GALNTL6: variants seen among roughly 807,000 people sequenced by gnomAD.
GALNTL6 encodes the protein polypeptide N-acetylgalactosaminyltransferase like 6.
Under a neutral mutation model 73.7 loss-of-function variants are expected in GALNTL6, and 46 were observed. The observed-to-expected ratio is 0.62, with a 90% CI of 0.49 to 0.80. The LOEUF (loss-of-function observed/expected upper bound fraction) is 0.80. Among genes scored for constraint, GALNTL6 ranks in the 30% least tolerant of loss-of-function variants. The probability of loss-of-function intolerance (pLI) is 0.00; values close to 1 mark genes in which losing one functional copy is unlikely to be tolerated. For synonymous variants in GALNTL6, 259 were observed against 263.7 expected, an observed-to-expected ratio of 0.98 and a Z score of 0.17; for missense variants, 604 against 755.0, an observed-to-expected ratio of 0.80 and a Z score of 2.34.
chr4:172,405,928 T>C (rs565439933), intron 5 of GALNTL6, among the ~76,000 whole-genome samples: 1 of 152,172 alleles, frequency 6.6e-6, no homozygotes, highest in South Asian at 2.1e-4. Context: ...GTATTGTGTC[T>C]ACAACTAATG....
intron 3 of GALNTL6, among the ~76,000 whole-genome samples, chr4:172,276,912 T>G (rs1486522218): frequency 1.3e-5 from 2 of 152,170 alleles, no homozygotes; most frequent in Non-Finnish European, 2.9e-5. Flanking sequence ...ATGGACTATT[T>G]TATTAATTTA....
chr4:172,908,350 GCTAT>G (rs1231828364), intron 8 of GALNTL6, among the ~76,000 whole-genome samples: 3 of 151,984 alleles, frequency 2.0e-5, no homozygotes, highest in East Asian at 1.9e-4. Flanking sequence ...CAACTGAAAA[GCTAT>G]CTATTTTCTT....
At chr4:172,317,858 T>A (rs1740616906) in intron 4 of GALNTL6, among the ~76,000 whole-genome samples, 1 of 152,182 alleles carries the variant, frequency 6.6e-6, no homozygotes, top group Non-Finnish European at 1.5e-5. Context: ...TGAACTTGAT[T>A]AAGTACCTTC....
At chr4:171,953,074 G>A (rs1481148661) in intron 2 of GALNTL6, among the ~76,000 whole-genome samples, 1 of 151,990 alleles carries the variant, frequency 6.6e-6, no homozygotes, top group East Asian at 1.9e-4. Flanking sequence ...AGAGGCGTAA[G>A]GACATAATGT....
At chr4:172,531,809 G>A (rs1007747534) in intron 5 of GALNTL6, among the ~76,000 whole-genome samples, 10 of 152,188 alleles carry the variant, frequency 6.6e-5, no homozygotes, top group Non-Finnish European at 1.2e-4. Context: ...GGGTGTGGAG[G>A]GTAAGGCCAG....
At chr4:172,879,405 A>G (rs1222989773) in intron 7 of GALNTL6, among the ~76,000 whole-genome samples, 1 of 151,938 alleles carries the variant, frequency 6.6e-6, no homozygotes, top group Non-Finnish European at 1.5e-5. Flanking sequence ...AATTTAAAAG[A>G]ATTCAAGTCA....
At chr4:172,824,702 G>A (rs1458550702) in intron 7 of GALNTL6, among the ~76,000 whole-genome samples, 1 of 151,986 alleles carries the variant, frequency 6.6e-6, no homozygotes. Context: ...CGTGGAGGTA[G>A]GTGAGATTGG....
chr4:172,499,283 A>G (rs1734178430), intron 5 of GALNTL6, among the ~76,000 whole-genome samples: 1 of 152,078 alleles, frequency 6.6e-6, no homozygotes, highest in African/African-American at 2.4e-5. Context: ...CTATGACAGG[A>G]TTAGCACCTT....
chr4:171,842,115 C>T (rs1343557467), intron 2 of GALNTL6, among the ~76,000 whole-genome samples: 2 of 152,120 alleles, frequency 1.3e-5, no homozygotes, highest in South Asian at 4.1e-4. Flanking sequence ...TCGGTTTTGT[C>T]ATTATGAAGT....
chr4:172,570,733 C>T (rs1736730036), intron 5 of GALNTL6, among the ~76,000 whole-genome samples: 1 of 152,046 alleles, frequency 6.6e-6, no homozygotes, highest in Admixed American at 6.6e-5. Flanking sequence ...ATTTATTGTG[C>T]ACTTTATTTC....
chr4:172,651,455 C>T (rs1337103654), intron 5 of GALNTL6, among the ~76,000 whole-genome samples: 1 of 152,106 alleles, frequency 6.6e-6, no homozygotes. Flanking sequence ...ACTTTCAATC[C>T]CGAGTGCAGA....
At chr4:172,008,226 A>T (rs939902906) in intron 2 of GALNTL6, among the ~76,000 whole-genome samples, 5 of 152,192 alleles carry the variant, frequency 3.3e-5, no homozygotes, top group African/African-American at 1.2e-4. Flanking sequence ...AACCTAAACC[A>T]TTTAAAATGT....
intron 5 of GALNTL6, among the ~76,000 whole-genome samples, chr4:172,691,936 A>G (rs552774084): frequency 2.0e-5 from 3 of 152,346 alleles, no homozygotes; most frequent in South Asian, 4.1e-4. Context: ...AAATATGTGT[A>G]AATCATTAAA....
intron 5 of GALNTL6, among the ~76,000 whole-genome samples, chr4:172,806,642 CAG>C (rs1475580720): frequency 6.6e-6 from 1 of 152,110 alleles, no homozygotes; most frequent in Non-Finnish European, 1.5e-5. Context: ...CCTTGGGTGT[CAG>C]GGAGGAAAAA....
intron 5 of GALNTL6, among the ~76,000 whole-genome samples, chr4:172,351,208 T>TATCTATCTATC (rs1275493040): frequency 4.6e-5 from 7 of 152,254 alleles, no homozygotes; most frequent in African/African-American, 1.2e-4. Flanking sequence ...TCTATCTATC[T>TATCTATCTATC]ATCTATCTAT....
At chr4:171,984,699 G>A (rs1274128061) in intron 2 of GALNTL6, among the ~76,000 whole-genome samples, 1 of 152,142 alleles carries the variant, frequency 6.6e-6, no homozygotes, top group Non-Finnish European at 1.5e-5. Flanking sequence ...CAGGGGAAAG[G>A]AGGAAAGAGG....
At chr4:171,848,993 G>C (rs1015194215) in intron 2 of GALNTL6, among the ~76,000 whole-genome samples, 1 of 151,952 alleles carries the variant, frequency 6.6e-6, no homozygotes. Flanking sequence ...ATATTGCCTA[G>C]TGGTGAGTCT....
At chr4:172,846,482 T>C (rs1452388317) in intron 7 of GALNTL6, among the ~76,000 whole-genome samples, 3 of 152,224 alleles carry the variant, frequency 2.0e-5, no homozygotes, top group Non-Finnish European at 4.4e-5. Flanking sequence ...CAAGATAAAT[T>C]CTCAAAGAAT....
intron 5 of GALNTL6, among the ~76,000 whole-genome samples, chr4:172,662,678 G>A (rs1261681332): frequency 6.6e-6 from 1 of 152,224 alleles, no homozygotes; most frequent in East Asian, 1.9e-4. Flanking sequence ...CCCAGTGAGT[G>A]CTTATGAGGT....
Sources: gnomAD v4.1 joint callset for allele counts (sites outside exome capture counted in the v4.1 genomes callset) on GRCh38, gnomAD v4.1.1 for gene constraint, MANE v1.5 for transcripts, NCBI Gene and HGNC (gene_info 2026-07-23, HGNC 2026-07-21) for gene names.